Variants in CTTNBP2 observed in about 807,000 individuals in gnomAD.
CTTNBP2 encodes cortactin binding protein 2, also known as cortactin-binding protein 2.
CTTNBP2 carries 108 observed loss-of-function variants against 156.9 expected under a neutral mutation model. The observed-to-expected ratio is 0.69, with a 90% CI of 0.59 to 0.81. CTTNBP2 has a LOEUF of 0.81. CTTNBP2 is among the 30% of genes least tolerant of loss of function. The pLI is 0.00. For synonymous variants in CTTNBP2, 767 were observed against 751.8 expected (o/e 1.02, Z -0.33); for missense variants, 1,924 against 2,035.4 (o/e 0.95, Z 1.05).
At chr7:117,767,442 A>G (rs1303585524) in intron 8 of CTTNBP2, among the ~76,000 whole-genome samples, 1 of 152,234 alleles carries the variant, frequency 6.6e-6, no homozygotes, top group East Asian at 1.9e-4. Context: ...AGAAAAAAAA[A>G]TAGCTTGTTA....
At chr7:117,800,826 T>C (rs1399602515) in intron 3 of CTTNBP2, among the ~76,000 whole-genome samples, 1 of 152,114 alleles carries the variant, frequency 6.6e-6, no homozygotes, top group Non-Finnish European at 1.5e-5. Flanking sequence ...ATGATAAATA[T>C]ATGTAATTTC....
chr7:117,846,350 G>A (rs1350578454), intron 2 of CTTNBP2, among the ~76,000 whole-genome samples: 1 of 152,094 alleles, frequency 6.6e-6, no homozygotes, highest in Non-Finnish European at 1.5e-5. Flanking sequence ...TAAAACTGTT[G>A]TATAACTCGT....
intron 4 of CTTNBP2, among the ~76,000 whole-genome samples, chr7:117,785,112 A>G (rs1798639497): frequency 6.6e-6 from 1 of 152,208 alleles, no homozygotes; most frequent in Non-Finnish European, 1.5e-5. Context: ...CAAATATTCA[A>G]TATACAATTG....
At chr7:117,782,059 T>A (rs1159084164) in intron 6 of CTTNBP2, among the ~76,000 whole-genome samples, 1 of 152,198 alleles carries the variant, frequency 6.6e-6, no homozygotes. Flanking sequence ...ATTATATTTA[T>A]GATTAATAAC....
intron 12 of CTTNBP2, among the ~76,000 whole-genome samples, chr7:117,750,533 T>C (rs1413384931): frequency 6.6e-6 from 1 of 152,210 alleles, no homozygotes; most frequent in East Asian, 1.9e-4. Flanking sequence ...ATTCGTAGGT[T>C]TCTCTCCATT....
At chr7:117,801,926 C>G (rs1799631337) in intron 3 of CTTNBP2, among the ~76,000 whole-genome samples, 1 of 151,002 alleles carries the variant, frequency 6.6e-6, no homozygotes, top group Non-Finnish European at 1.5e-5. Context: ...TTTTATTATA[C>G]TTTAAGTTTT....
chr7:117,863,638 C>T (rs1431985416), intron 1 of CTTNBP2, among the ~76,000 whole-genome samples: 1 of 152,190 alleles, frequency 6.6e-6, no homozygotes, highest in African/African-American at 2.4e-5. Context: ...GTAACTCATG[C>T]CATCCTCTGT....
intron 2 of CTTNBP2, among the ~76,000 whole-genome samples, chr7:117,814,384 A>C (rs1800458339): frequency 6.6e-6 from 1 of 152,010 alleles, no homozygotes; most frequent in South Asian, 2.1e-4. Context: ...TCTGCTGAAA[A>C]TGTTGTATAA....
At chr7:117,814,247 C>CT (rs11413373) in intron 2 of CTTNBP2, among the ~76,000 whole-genome samples, 147,320 of 148,420 alleles carry the variant, frequency 0.99, 73,115 homozygotes, top group Admixed American at 1. Context: ...GCATTTAATT[C>CT]TTTTTTTTTT....
At position 117,711,487 on chromosome 7, in the gene CTTNBP2, G is replaced by A. The variant is rs199750389; in HGVS notation, c.*50C>T. On this transcript the variant is annotated 3_prime_UTR_variant, in exon 23 of 23. Transcript: ENST00000160373. ...AGGTATTTGTATCTTGTTGTCCTTG[G>A]TTTCTGTGTGAAATAGAGGAAGTTA... 232 of 1,553,826 alleles carry A rather than the reference G, an allele frequency of 1.5e-4. No homozygotes were observed. The highest frequency in any genetic ancestry group is 2.2e-4 in the Admixed American group (11 of 50,954).
At chr7:117,850,770 C>A (rs187589709) in intron 2 of CTTNBP2, among the ~76,000 whole-genome samples, 336 of 152,174 alleles carry the variant, frequency 2.2e-3, no homozygotes, top group Non-Finnish European at 3.4e-3. Flanking sequence ...TCTTAACAGC[C>A]CAGTACTTTT....
chr7:117,847,346 G>C (rs1325852499), intron 2 of CTTNBP2, among the ~76,000 whole-genome samples: 1 of 152,144 alleles, frequency 6.6e-6, no homozygotes, highest in Non-Finnish European at 1.5e-5. Flanking sequence ...GACCAGCCTG[G>C]GCAATATGGT....
intron 12 of CTTNBP2, chr7:117,755,485 T>C (rs1156470424): frequency 2.2e-6 from 1 of 453,272 alleles, no homozygotes; most frequent in African/African-American, 2.0e-5. Context: ...ATTGATCTCA[T>C]ACACATCAGA....
At chr7:117,780,767 AC>A (rs1389040578) in intron 6 of CTTNBP2, among the ~76,000 whole-genome samples, 176 bp from the exon 7 acceptor site, 1 of 152,178 alleles carries the variant, frequency 6.6e-6, no homozygotes, top group Admixed American at 6.5e-5. Context: ...TGTTTTTTTC[AC>A]AAGGCTAGAA....
rs1196596541 is a variant in CTTNBP2, at chr7:117,710,706, GTAAT to G, written c.*827_*830del. ...AAAGCATCTTAACTGAATTGTGTAA[GTAAT>G]TTTGTCTGTAATTTTAGAAGTAACA... On this transcript the variant is annotated 3_prime_UTR_variant, in exon 23 of 23. Transcript: ENST00000160373. 1 of 152,282 alleles carries G rather than the reference GTAAT, an allele frequency of 6.6e-6. No homozygotes were observed. The highest frequency in any genetic ancestry group is 1.5e-5 in the Non-Finnish European group (1 of 68,002). 9.4% of individuals were successfully genotyped at this position (152,282 alleles called of 1,614,324 possible).
At chr7:117,838,801 G>T (rs1802103463) in intron 2 of CTTNBP2, among the ~76,000 whole-genome samples, 1 of 151,862 alleles carries the variant, frequency 6.6e-6, no homozygotes, top group Non-Finnish European at 1.5e-5. Flanking sequence ...AAGATTTCAG[G>T]ATTTACTGTA....
chr7:117,798,830 T>G (rs1236986814), intron 3 of CTTNBP2, among the ~76,000 whole-genome samples: 4 of 151,966 alleles, frequency 2.6e-5, no homozygotes, highest in African/African-American at 9.7e-5. Flanking sequence ...AAACCAGATT[T>G]AGAAATAGAG....
At position 117,817,372 on chromosome 7, in the gene CTTNBP2, A is replaced by ATTATATATATATATATATATATAT. The variant is rs1303078997; in HGVS notation, c.190-6384_190-6383insATATATATATATATATATATATAA. Among the ~76,000 whole-genome samples the ATTATATATATATATATATATATAT allele has an allele frequency of 7.6e-5, 9 of 118,292 alleles. 2 individuals carry two copies. The highest frequency in any genetic ancestry group is 1.6e-4 in the Non-Finnish European group (9 of 55,470). 77.6% of individuals were successfully genotyped at this position (118,292 alleles called of 152,430 possible). On this transcript the variant is annotated intron_variant, in intron 2 of 22. Coordinates refer to ENST00000160373, the MANE Select transcript of CTTNBP2 (RefSeq NM_033427.3). ...AAAAAAAAAAAAAAAATATATATAT[A>ATTATATATATATATATATATATAT]TATATATATATATATAATTTCATCA... is the stretch of plus-strand genomic sequence containing the variant.
chr7:117,764,688 C>T (rs1433019459), intron 9 of CTTNBP2, among the ~76,000 whole-genome samples: 1 of 151,948 alleles, frequency 6.6e-6, no homozygotes, highest in African/African-American at 2.4e-5. Context: ...CTACTTGGTA[C>T]CTTTAAAATA....
Sources: gnomAD v4.1 joint callset for allele counts (sites outside exome capture counted in the v4.1 genomes callset) on GRCh38, gnomAD v4.1.1 for gene constraint, MANE v1.5 for transcripts, NCBI Gene and HGNC (gene_info 2026-07-23, HGNC 2026-07-21) for gene names.